GSK3B: variants seen among roughly 807,000 people sequenced by gnomAD.
GSK3B encodes the protein glycogen synthase kinase 3 beta.
In GSK3B, 15 loss-of-function variants were observed where a neutral mutation model predicts 56.4. That is an observed-to-expected ratio of 0.27 (90% confidence interval 0.18 to 0.41). GSK3B has a LOEUF of 0.41. Among genes scored for constraint, GSK3B ranks in the 10% least tolerant of loss-of-function variants. The probability of loss-of-function intolerance (pLI) is 1.00; values close to 1 mark genes in which losing one functional copy is unlikely to be tolerated. For synonymous variants in GSK3B, 181 were observed against 188.9 expected (o/e 0.96, Z 0.34); for missense variants, 300 against 513.4 (o/e 0.58, Z 4.02).
rs554293743 is a variant in GSK3B at position 120,046,738 on chromosome 3, A to G, written c.89-44499T>C. On this transcript the variant is annotated intron_variant, in intron 1 of 10. Coordinates refer to ENST00000264235, the MANE Select transcript of GSK3B (RefSeq NM_001146156.2). ...ACTCTTACGTCTCAGCCACCCATGT[A>G]GCTAGGACTACAGGCATGCGCCACC... Among the ~76,000 whole-genome samples the G allele has an allele frequency of 2.0e-5, 3 of 152,228 alleles. No individual in the cohort carries two copies. In the East Asian group the frequency reaches 5.8e-4, roughly 29 times the overall value.
chr3:120,082,872 A>G (rs1461236941), intron 1 of GSK3B, among the ~76,000 whole-genome samples: 3 of 152,136 alleles, frequency 2.0e-5, no homozygotes, highest in Admixed American at 6.6e-5. Flanking sequence ...ACTTGTGTCT[A>G]TTTTTCAAAG....
chr3:119,882,719 G>A (rs752114628), intron 7 of GSK3B, among the ~76,000 whole-genome samples: 3 of 152,102 alleles, frequency 2.0e-5, no homozygotes, highest in East Asian at 1.9e-4. Flanking sequence ...TTGATGAATA[G>A]TGATGATATT....
At chr3:119,970,244 G>C (rs1427256432) in intron 2 of GSK3B, among the ~76,000 whole-genome samples, 1 of 152,174 alleles carries the variant, frequency 6.6e-6, no homozygotes, top group Non-Finnish European at 1.5e-5. Context: ...TCTCAGATAA[G>C]GGGCGGGGGA....
intron 7 of GSK3B, among the ~76,000 whole-genome samples, chr3:119,899,781 T>C (rs2056607850): frequency 6.6e-6 from 1 of 152,092 alleles, no homozygotes; most frequent in African/African-American, 2.4e-5. Context: ...CATCACATAG[T>C]AGTAAAAAGC....
intron 1 of GSK3B, among the ~76,000 whole-genome samples, chr3:120,021,243 T>C (rs954258233): frequency 2.0e-5 from 3 of 151,826 alleles, no homozygotes; most frequent in Non-Finnish European, 4.4e-5. Context: ...CGGTGGCTCA[T>C]GCCTGTAATC....
chr3:120,049,959 G>A (rs1179805250), intron 1 of GSK3B, among the ~76,000 whole-genome samples: 1 of 152,160 alleles, frequency 6.6e-6, no homozygotes, highest in Non-Finnish European at 1.5e-5. Context: ...ACATGAGACT[G>A]GGTAATTTAT....
intron 9 of GSK3B, among the ~76,000 whole-genome samples, chr3:119,854,401 C>T (rs954605679): frequency 5.9e-5 from 9 of 152,220 alleles, no homozygotes; most frequent in Admixed American, 2.0e-4. Flanking sequence ...GTGTCTCTGC[C>T]AGGCTTTGGT....
chr3:120,046,893 G>A (rs967409527), intron 1 of GSK3B, among the ~76,000 whole-genome samples: 1 of 152,144 alleles, frequency 6.6e-6, no homozygotes, highest in African/African-American at 2.4e-5. Flanking sequence ...TTATGGGTGT[G>A]AGCCACCGCT....
chr3:119,848,259 G>C (rs544597975), intron 9 of GSK3B, among the ~76,000 whole-genome samples: 7 of 152,132 alleles, frequency 4.6e-5, no homozygotes, highest in Non-Finnish European at 8.8e-5. Context: ...TGTTACTTAA[G>C]TATTTAGCCT....
intron 9 of GSK3B, among the ~76,000 whole-genome samples, chr3:119,847,153 G>A (rs1354389415): frequency 6.6e-6 from 1 of 152,086 alleles, no homozygotes; most frequent in Non-Finnish European, 1.5e-5. Flanking sequence ...AGGGGGGAAG[G>A]GGGAGGGATA....
intron 1 of GSK3B, among the ~76,000 whole-genome samples, chr3:120,076,086 T>G (rs563484911): frequency 6.6e-6 from 1 of 152,314 alleles, no homozygotes; most frequent in African/African-American, 2.4e-5. Context: ...GACCGTCAAC[T>G]ATGTTTCAAC....
intron 10 of GSK3B, among the ~76,000 whole-genome samples, chr3:119,840,412 C>T (rs1439887004): frequency 6.6e-6 from 1 of 152,000 alleles, no homozygotes; most frequent in Non-Finnish European, 1.5e-5. Context: ...TTAGTAGAGA[C>T]AGGGTATCTC....
chr3:119,918,599 T>C (rs1370953550), intron 4 of GSK3B, among the ~76,000 whole-genome samples: 1 of 152,220 alleles, frequency 6.6e-6, no homozygotes, highest in Non-Finnish European at 1.5e-5. Context: ...ATTTAACATA[T>C]ACTAAGTGCC....
intron 2 of GSK3B, among the ~76,000 whole-genome samples, chr3:119,958,071 T>C (rs368169152): frequency 1.3e-5 from 2 of 152,108 alleles, no homozygotes; most frequent in East Asian, 3.9e-4. Flanking sequence ...GGAGAGATGG[T>C]TTCCCCCATG....
chr3:120,079,336 ACACACACACACACATTT>A (rs1380096510), intron 1 of GSK3B, among the ~76,000 whole-genome samples: 6 of 144,066 alleles, frequency 4.2e-5, no homozygotes, highest in African/African-American at 1.6e-4. Context: ...ACACACACAC[ACACACACACACACATTT>A]TTTTTTTTAA....
chr3:120,049,068 T>G (rs372277992), intron 1 of GSK3B, among the ~76,000 whole-genome samples: 6 of 152,340 alleles, frequency 3.9e-5, no homozygotes, highest in African/African-American at 1.4e-4. Context: ...ATTTGATGAA[T>G]GTCCAACCCT....
Position 119,991,126 on chromosome 3 carries a change from G to T in GSK3B, c.282+10920C>A, listed in dbSNP as rs1455758282. Among the ~76,000 whole-genome samples the T allele has an allele frequency of 2.0e-5, 3 of 152,064 alleles. No homozygotes were observed. The East Asian group carries it at 5.8e-4, about 29-fold the overall frequency. ...TGAAGCCAAGATCACTAATAAACAT[G>T]CAACTTACTGATTTTCAAGTTGGAA... On this transcript the variant is annotated intron_variant, in intron 2 of 10. Coordinates refer to ENST00000264235, the MANE Select transcript of GSK3B (RefSeq NM_001146156.2).
intron 6 of GSK3B, among the ~76,000 whole-genome samples, chr3:119,906,087 A>G (rs1198799745): frequency 6.6e-6 from 1 of 152,160 alleles, no homozygotes; most frequent in Non-Finnish European, 1.5e-5. Flanking sequence ...GGTAAAGTCT[A>G]TTATTATCAA....
At chr3:119,959,717 AT>A (rs1207896553) in intron 2 of GSK3B, among the ~76,000 whole-genome samples, 1 of 151,730 alleles carries the variant, frequency 6.6e-6, no homozygotes, top group Non-Finnish European at 1.5e-5. Flanking sequence ...GGGTTTCACC[AT>A]GTTGGCCAGG....
Sources: gnomAD v4.1 joint callset for allele counts (sites outside exome capture counted in the v4.1 genomes callset) on GRCh38, gnomAD v4.1.1 for gene constraint, MANE v1.5 for transcripts, NCBI Gene and HGNC (gene_info 2026-07-23, HGNC 2026-07-21) for gene names.